PRR16: variants seen among roughly 807,000 people sequenced by gnomAD.
The protein encoded by PRR16 is protein Largen.
In PRR16, 6 loss-of-function variants were observed where a neutral mutation model predicts 18.2. The observed-to-expected ratio is 0.33, with a 90% confidence interval of 0.18 to 0.65. PRR16 has a LOEUF of 0.65. PRR16 is among the 30% of genes least tolerant of loss of function. The probability of loss-of-function intolerance (pLI) is 0.74; values close to 1 mark genes in which losing one functional copy is unlikely to be tolerated. For synonymous variants in PRR16, 151 were observed against 147.8 expected (o/e 1.02, Z -0.16); for missense variants, 412 against 376.6 (o/e 1.09, Z -0.78).
chr5:120,605,856 G>T (rs966122365), intron 1 of PRR16, among the ~76,000 whole-genome samples: 1 of 152,096 alleles, frequency 6.6e-6, no homozygotes, highest in Non-Finnish European at 1.5e-5. Flanking sequence ...TTGTTTTCTG[G>T]TCCCTGGAGG....
chr5:120,599,443 T>C (rs551308869), intron 1 of PRR16, among the ~76,000 whole-genome samples: 1 of 152,016 alleles, frequency 6.6e-6, no homozygotes, highest in East Asian at 1.9e-4. Context: ...TCCCCTTCTT[T>C]AAGGAGACAG....
At chr5:120,549,704 G>A (rs987505761) in intron 1 of PRR16, among the ~76,000 whole-genome samples, 1 of 151,738 alleles carries the variant, frequency 6.6e-6, no homozygotes, top group Non-Finnish European at 1.5e-5. Flanking sequence ...TTCAAATCTC[G>A]TAAGCTTATT....
chr5:120,597,953 G>T (rs1198402394), intron 1 of PRR16, among the ~76,000 whole-genome samples: 2 of 151,738 alleles, frequency 1.3e-5, no homozygotes, highest in African/African-American at 4.8e-5. Context: ...GCTATAATAT[G>T]GAGGTCTCCC....
chr5:120,707,849 G>A, the PRR16 span, among the ~76,000 whole-genome samples: 1 of 152,078 alleles, frequency 6.6e-6, no homozygotes, highest in African/African-American at 2.4e-5. Context: ...GGCTCTTAAG[G>A]GGCAATTCTC....
At chr5:120,635,361 A>T (rs947429182) in intron 1 of PRR16, among the ~76,000 whole-genome samples, 1 of 152,198 alleles carries the variant, frequency 6.6e-6, no homozygotes, top group Non-Finnish European at 1.5e-5. Flanking sequence ...CAGTGCAAAA[A>T]TCCTCAACAA....
chr5:120,788,208 C>T, the PRR16 span, among the ~76,000 whole-genome samples: 1 of 151,872 alleles, frequency 6.6e-6, no homozygotes, highest in Non-Finnish European at 1.5e-5. Flanking sequence ...TACTAATCTC[C>T]TTGGAGAGCA....
At chr5:120,606,286 C>T (rs1754150950) in intron 1 of PRR16, among the ~76,000 whole-genome samples, 1 of 152,106 alleles carries the variant, frequency 6.6e-6, no homozygotes, top group Non-Finnish European at 1.5e-5. Context: ...TCAGGACTCC[C>T]AGAGCTGAGG....
the PRR16 span, among the ~76,000 whole-genome samples, chr5:120,703,123 A>T: frequency 6.6e-6 from 1 of 152,024 alleles, no homozygotes; most frequent in Non-Finnish European, 1.5e-5. Context: ...GGAAAATTAC[A>T]GTCAAAGGGG....
intron 1 of PRR16, among the ~76,000 whole-genome samples, chr5:120,549,370 C>T (rs928986868): frequency 1.3e-5 from 2 of 152,094 alleles, no homozygotes; most frequent in Non-Finnish European, 2.9e-5. Context: ...AGCCACCACA[C>T]CCAGGGCCCA....
At chr5:120,530,749 A>T (rs1181101982) in intron 1 of PRR16, among the ~76,000 whole-genome samples, 1 of 152,074 alleles carries the variant, frequency 6.6e-6, no homozygotes, top group East Asian at 1.9e-4. Context: ...GGGTGAAATT[A>T]GTTCAAAGGA....
intron 1 of PRR16, among the ~76,000 whole-genome samples, chr5:120,677,941 GCT>G (rs1421760325): frequency 2.3e-5 from 2 of 88,180 alleles, no homozygotes; most frequent in African/African-American, 4.6e-5. Context: ...ACGGAGTTTC[GCT>G]CTGTCGCCCA....
At chr5:120,669,553 T>C (rs919539986) in intron 1 of PRR16, among the ~76,000 whole-genome samples, 1 of 152,120 alleles carries the variant, frequency 6.6e-6, no homozygotes, top group African/African-American at 2.4e-5. Flanking sequence ...TTTTTACATT[T>C]GAAAATCATG....
chr5:120,555,149 C>A (rs1364023997), intron 1 of PRR16, among the ~76,000 whole-genome samples: 1 of 151,868 alleles, frequency 6.6e-6, no homozygotes, highest in Non-Finnish European at 1.5e-5. Flanking sequence ...ATTCACAAGG[C>A]TATATTCTTA....
intron 1 of PRR16, among the ~76,000 whole-genome samples, chr5:120,540,833 C>T (rs10478475): frequency 6.6e-6 from 1 of 151,904 alleles, no homozygotes; most frequent in Non-Finnish European, 1.5e-5. Flanking sequence ...TCTTTTTGCT[C>T]TTAATATTAT....
At chr5:120,634,328 G>C (rs1228008590) in intron 1 of PRR16, among the ~76,000 whole-genome samples, 1 of 152,094 alleles carries the variant, frequency 6.6e-6, no homozygotes, top group Admixed American at 6.6e-5. Flanking sequence ...AAAATGTATA[G>C]CATTAAATGC....
At chr5:120,600,568 T>A (rs892162717) in intron 1 of PRR16, among the ~76,000 whole-genome samples, 17 of 151,918 alleles carry the variant, frequency 1.1e-4, no homozygotes, top group Non-Finnish European at 2.9e-5. Context: ...AATTTTATAA[T>A]TTCTCTTTCA....
chr5:120,721,336 T>A, the PRR16 span, among the ~76,000 whole-genome samples: 1 of 151,882 alleles, frequency 6.6e-6, no homozygotes, highest in African/African-American at 2.4e-5. Flanking sequence ...GGTGATAAAT[T>A]CCATAGAAAA....
At chr5:120,784,892 C>T in the PRR16 span, among the ~76,000 whole-genome samples, 52 of 152,166 alleles carry the variant, frequency 3.4e-4, no homozygotes, top group Non-Finnish European at 6.6e-4. Flanking sequence ...ATCCATGGCA[C>T]CATCCTAATG....
At chr5:120,738,156 ATATAT>A in the PRR16 span, among the ~76,000 whole-genome samples, 6 of 152,262 alleles carry the variant, frequency 3.9e-5, no homozygotes, top group South Asian at 2.1e-4. Context: ...ATAGGAAATA[ATATAT>A]TTAATCAGTA....
Sources: allele counts gnomAD v4.1 joint callset (sites outside exome capture counted in the v4.1 genomes callset), GRCh38; gene constraint gnomAD v4.1.1; transcripts MANE v1.5; gene names NCBI Gene and HGNC (gene_info 2026-07-23, HGNC 2026-07-21).